Variants in THSD4 observed in about 807,000 individuals in gnomAD.
THSD4 encodes the protein thrombospondin type-1 domain-containing protein 4.
Under a neutral mutation model 119.0 loss-of-function variants are expected in THSD4, and 69 were observed. The observed-to-expected ratio is 0.58, with a 90% CI of 0.48 to 0.71. The LOEUF is 0.71. THSD4 is among the 30% of genes least tolerant of loss of function. The pLI is 0.00. For missense variants in THSD4, 1,393 were observed against 1,391.1 expected, an observed-to-expected ratio of 1.00 and a Z score of -0.02; for synonymous variants, 524 against 540.4, an observed-to-expected ratio of 0.97 and a Z score of 0.42.
intron 3 of THSD4, among the ~76,000 whole-genome samples, chr15:71,168,515 A>C (rs953695282): frequency 6.6e-6 from 1 of 152,134 alleles, no homozygotes; most frequent in Non-Finnish European, 1.5e-5. Context: ...GGAACTAAAA[A>C]CTCATTGTCA....
chr15:71,412,467 C>T (rs1057283135), intron 7 of THSD4, among the ~76,000 whole-genome samples: 4 of 152,112 alleles, frequency 2.6e-5, no homozygotes, highest in African/African-American at 4.8e-5. Flanking sequence ...GCACAAATTC[C>T]GTAGCTACAT....
chr15:71,666,395 T>C (rs2051417641), intron 8 of THSD4, among the ~76,000 whole-genome samples: 1 of 152,182 alleles, frequency 6.6e-6, no homozygotes, highest in African/African-American at 2.4e-5. Context: ...TGGGGGTTTG[T>C]TGTACAGATT....
At chr15:71,730,569 A>C (rs550183698) in intron 9 of THSD4, 1 of 153,406 alleles carries the variant, frequency 6.5e-6, no homozygotes, top group African/African-American at 2.4e-5. Context: ...GGTCGCTTCT[A>C]CTTGTTTTCC....
chr15:71,443,444 C>CTG (rs374037936), intron 7 of THSD4, among the ~76,000 whole-genome samples: 1 of 151,564 alleles, frequency 6.6e-6, no homozygotes, highest in Admixed American at 6.6e-5. Flanking sequence ...CTCTCTCTCT[C>CTG]TATGTATATA....
Position 71,765,133 on chromosome 15 carries a change from C to G in THSD4, c.2703C>G (p.Pro901=). 6.2e-7 allele frequency: 1 copy of G among 1,614,186 alleles called. No individual in the cohort carries two copies. The highest frequency in any genetic ancestry group is 8.5e-7 in the Non-Finnish European group (1 of 1,180,038). ...CTGAATGTTCTTTCCTGGAGAAACC[C>G]CCCAGCCAGCAATCCTGCCACCTCA... ...DPSECSFLEK[P]PSQQSCHLKP... Residue 901 remains proline (P), a synonymous_variant, in exon 16 of 18, where the codon CCC becomes CCG. Transcript: ENST00000261862.
intron 3 of THSD4, among the ~76,000 whole-genome samples, chr15:71,197,409 G>A (rs1364351823): frequency 6.6e-6 from 1 of 152,204 alleles, no homozygotes; most frequent in Admixed American, 6.5e-5. Flanking sequence ...GCTGCCTCAT[G>A]TGGCTTTTCA....
chr15:71,607,247 G>A (rs948826773), intron 7 of THSD4, among the ~76,000 whole-genome samples: 1 of 152,198 alleles, frequency 6.6e-6, no homozygotes, highest in Non-Finnish European at 1.5e-5. Context: ...GGGAAAGACA[G>A]CTTGGCTGTC....
intron 6 of THSD4, among the ~76,000 whole-genome samples, chr15:71,310,939 C>A (rs920779321): frequency 2.6e-5 from 4 of 152,128 alleles, no homozygotes; most frequent in African/African-American, 7.2e-5. Flanking sequence ...ACATCTCCCC[C>A]ACAACGTGCC....
intron 6 of THSD4, among the ~76,000 whole-genome samples, chr15:71,403,435 T>C (rs2046565094): frequency 6.6e-6 from 1 of 152,208 alleles, no homozygotes; most frequent in African/African-American, 2.4e-5. Context: ...ACTATTTTGT[T>C]TCTATTCAGG....
intron 17 of THSD4, 108 bp from the exon 18 acceptor site, chr15:71,777,124 A>T: frequency 7.7e-7 from 1 of 1,301,048 alleles, no homozygotes. Flanking sequence ...CAATGGTAAT[A>T]AACAGCAGCG....
intron 7 of THSD4, among the ~76,000 whole-genome samples, chr15:71,656,255 A>G (rs1320477670): frequency 2.0e-5 from 3 of 152,194 alleles, no homozygotes; most frequent in Non-Finnish European, 4.4e-5. Flanking sequence ...AATGGCATAC[A>G]TGGTTTTGAC....
At chr15:71,616,713 T>A (rs1249345356) in intron 7 of THSD4, among the ~76,000 whole-genome samples, 1 of 152,214 alleles carries the variant, frequency 6.6e-6, no homozygotes, top group Non-Finnish European at 1.5e-5. Context: ...CTCTCTTCAC[T>A]GGAAATGTTC....
At chr15:71,356,269 G>T (rs1219955512) in intron 6 of THSD4, among the ~76,000 whole-genome samples, 8 of 152,164 alleles carry the variant, frequency 5.3e-5, no homozygotes, top group Admixed American at 5.2e-4. Context: ...GCACACGGTT[G>T]CTTCTGGGGC....
intron 16 of THSD4, among the ~76,000 whole-genome samples, chr15:71,765,881 T>C (rs2053709399): frequency 6.6e-6 from 1 of 152,180 alleles, no homozygotes; most frequent in African/African-American, 2.4e-5. Context: ...GATTCTGTTT[T>C]CTGTTTGAAC....
intron 3 of THSD4, among the ~76,000 whole-genome samples, chr15:71,182,407 A>T (rs1479571172): frequency 6.6e-6 from 1 of 151,818 alleles, no homozygotes; most frequent in East Asian, 1.9e-4. Context: ...CAAGTTATAC[A>T]GAGTAGATAT....
At position 71,746,948 on chromosome 15, in the gene THSD4, C is replaced by T; in HGVS notation, c.2147C>T (p.Pro716Leu). 1 of 1,613,872 alleles carries T rather than the reference C, an allele frequency of 6.2e-7. No homozygotes were observed. Among genetic ancestry groups the T allele is most frequent in the Non-Finnish European group, 8.5e-7 (1 of 1,180,026 alleles). Residue 716 changes from proline to leucine, a missense_variant, in exon 13 of 18, where the codon CCC (proline) becomes CTC (leucine). Pro to Leu is a moderately conservative substitution (Grantham distance 98, BLOSUM62 -3). Transcript: ENST00000261862. ...GCCAACCGCAGCCTGACGGTGCAGC[C>T]CTACCGCTGCCAGCACCTGGAGAAA... ...VYANRSLTVQ[P>L]YRCQHLEKPE...
In THSD4 at chr15:71,781,307, AAAACT is replaced by A. The variant is rs1463930339; in HGVS notation, c.*3937_*3941del. 6.5e-6 allele frequency: 1 copy of A among 154,504 alleles called. No individual in the cohort carries two copies. Among genetic ancestry groups the A allele is most frequent in the African/African-American group, 2.4e-5 (1 of 41,462 alleles). 9.6% of individuals were successfully genotyped at this position (154,504 alleles called of 1,614,324 possible). A position where few individuals can be genotyped will look rare whatever the true frequency, so the allele number is the denominator to read the frequency against. On this transcript the variant is annotated 3_prime_UTR_variant, in exon 18 of 18. Coordinates refer to ENST00000261862, the MANE Select transcript of THSD4 (RefSeq NM_024817.3). ...AAGTACTATATTTGGGCTAAAATGA[AAAACT>A]AAATACAAGGTGGGAGAGAGGCAAG...
In THSD4 at chr15:71,757,948, G is replaced by A. The variant is rs755848342; in HGVS notation, c.2462G>A (p.Cys821Tyr). The A allele has an allele frequency of 6.2e-7, 1 of 1,613,982 alleles. No homozygotes were observed. Among genetic ancestry groups the A allele is most frequent in the South Asian group, 1.1e-5 (1 of 91,072 alleles). Residue 821 changes from cysteine (C) to tyrosine (Y), a missense_variant, in exon 15 of 18, where the codon TGC (cysteine) becomes TAC (tyrosine). Coordinates refer to ENST00000261862, the MANE Select transcript of THSD4 (RefSeq NM_024817.3). ...GAGVRTRSVV[C>Y]MTNHVSSLPL... The stretch of plus-strand genomic sequence containing the variant: ...GGAGTGCGGACACGCTCGGTGGTGT[G>A]CATGACCAACCATGTCAGCAGCCTG...
At chr15:71,663,012 G>T (rs2051340948) in intron 8 of THSD4, among the ~76,000 whole-genome samples, 1 of 152,100 alleles carries the variant, frequency 6.6e-6, no homozygotes, top group Non-Finnish European at 1.5e-5. Context: ...GCTGTGGGAG[G>T]CCAAGGCAGG....
Sources: gnomAD v4.1 joint callset for allele counts (sites outside exome capture counted in the v4.1 genomes callset) on GRCh38, gnomAD v4.1.1 for gene constraint, MANE v1.5 for transcripts, NCBI Gene and HGNC (gene_info 2026-07-23, HGNC 2026-07-21) for gene names.